The following HTR2C variants were observed in gnomAD, a reference collection of about 807,000 sequenced individuals.
HTR2C encodes the protein 5-hydroxytryptamine receptor 2C.
Under a neutral mutation model 21.0 loss-of-function variants are expected in HTR2C, and 5 were observed. The ratio of observed to expected loss-of-function variants is 0.24; its 90% CI spans 0.12 to 0.50. The LOEUF (loss-of-function observed/expected upper bound fraction) is 0.50, where lower values mean the gene tolerates loss of function less well. HTR2C is among the 20% of genes least tolerant of loss of function. HTR2C has a pLI of 0.98. For synonymous variants in HTR2C, 150 were observed against 145.3 expected, an observed-to-expected ratio of 1.03 and a Z score of -0.23; for missense variants, 271 against 371.2, an observed-to-expected ratio of 0.73 and a Z score of 2.22.
chrX:114,899,956 A>T (rs1278236623), intron 5 of HTR2C, among the ~76,000 whole-genome samples: 1 of 111,407 alleles, frequency 9.0e-6, no homozygotes, highest in African/African-American at 3.3e-5. Context: ...GGGTTGACAG[A>T]TGTGCGTTTG....
chrX:114,722,909 T>C (rs782673037), intron 2 of HTR2C, among the ~76,000 whole-genome samples: 33 of 109,744 alleles, frequency 3.0e-4, no homozygotes, highest in Non-Finnish European at 3.8e-4. Flanking sequence ...CTGCTGGATT[T>C]GGTTTGCCAG....
At chrX:114,688,330 AAAAAAGAAAAG>A (rs1429695648) in intron 2 of HTR2C, among the ~76,000 whole-genome samples, 9 of 109,535 alleles carry the variant, frequency 8.2e-5, no homozygotes, top group Non-Finnish European at 1.5e-4. Flanking sequence ...CAAAAAAAAA[AAAAAAGAAAAG>A]AAAAGAAAAG....
intron 4 of HTR2C, among the ~76,000 whole-genome samples, chrX:114,765,167 A>G (rs2069935175): frequency 9.2e-6 from 1 of 109,056 alleles, no homozygotes; most frequent in African/African-American, 3.3e-5. Context: ...ATGAGCCACC[A>G]TGCCCAGCCT....
intron 4 of HTR2C, among the ~76,000 whole-genome samples, chrX:114,834,506 A>G (rs1242456741): frequency 3.6e-5 from 4 of 111,006 alleles, no homozygotes; most frequent in African/African-American, 1.3e-4. Context: ...CTGTTTTATC[A>G]GAGACTAGGA....
At chrX:114,639,141 GA>G (rs1929986556) in intron 2 of HTR2C, among the ~76,000 whole-genome samples, 1 of 111,687 alleles carries the variant, frequency 9.0e-6, no homozygotes, top group African/African-American at 3.2e-5. Context: ...ATTATTAAAA[GA>G]AAAAGGGCTT....
chrX:114,635,054 G>C (rs1929788561), intron 2 of HTR2C, among the ~76,000 whole-genome samples: 1 of 111,361 alleles, frequency 9.0e-6, no homozygotes, highest in Non-Finnish European at 1.9e-5. Flanking sequence ...TATTGCACAT[G>C]TATTAAATAT....
intron 2 of HTR2C, among the ~76,000 whole-genome samples, chrX:114,623,252 G>A (rs935884960): frequency 8.9e-6 from 1 of 111,949 alleles, no homozygotes; most frequent in African/African-American, 3.2e-5. Context: ...GAGTCCTATA[G>A]GTTTCTATTG....
intron 5 of HTR2C, among the ~76,000 whole-genome samples, chrX:114,892,653 G>A (rs1354888264): frequency 2.7e-5 from 3 of 110,113 alleles, no homozygotes; most frequent in African/African-American, 6.6e-5. Context: ...TAAATAATCT[G>A]TATCTATAGT....
chrX:114,705,857 T>G (rs1932757441), intron 2 of HTR2C, among the ~76,000 whole-genome samples: 1 of 76,050 alleles, frequency 1.3e-5, no homozygotes, highest in Admixed American at 1.8e-4. Context: ...CAAACAAATT[T>G]ACAAGAAAAA....
At chrX:114,823,892 G>C (rs1556457305) in intron 4 of HTR2C, among the ~76,000 whole-genome samples, 1 of 111,690 alleles carries the variant, frequency 9.0e-6, no homozygotes, top group Non-Finnish European at 1.9e-5. Flanking sequence ...ATTTAGGCTA[G>C]CCAGAGCCAA....
intron 5 of HTR2C, among the ~76,000 whole-genome samples, chrX:114,896,682 C>T (rs2071299221): frequency 8.9e-6 from 1 of 112,145 alleles, no homozygotes; most frequent in South Asian, 3.7e-4. Context: ...AATAACTACT[C>T]ATACAATATA....
In HTR2C at chrX:114,804,014, G is replaced by A. The variant is rs782044765; in HGVS notation, c.350-43989G>A. On this transcript the variant is annotated intron_variant, in intron 4 of 5. Coordinates refer to ENST00000276198, the MANE Select transcript of HTR2C (RefSeq NM_000868.4). ...GCTGGAGATATAATAGTAAACAAAT[G>A]CTCCTTCGTTTTAAGGAGTTGTAAT... Among the ~76,000 whole-genome samples, 4 of 111,911 alleles carry A rather than the reference G, an allele frequency of 3.6e-5. No individual in the cohort carries two copies. In the South Asian group the frequency reaches 1.5e-3, roughly 41 times the overall value.
chrX:114,844,435 T>G lies in HTR2C; in HGVS notation c.350-3568T>G, dbSNP rs782486067. Reference sequence around the variant, plus strand: ...AATCAGTTAATCACAAAAAAATCACTTAATCACAAGTGAAGGCAGTGACAG... The same window carrying G: ...AATCAGTTAATCACAAAAAAATCACGTAATCACAAGTGAAGGCAGTGACAG... On this transcript the variant is annotated intron_variant, in intron 4 of 5. Transcript: ENST00000276198. Among the ~76,000 whole-genome samples, 8 of 111,843 alleles carry G rather than the reference T, an allele frequency of 7.2e-5. No homozygotes were observed. In the East Asian group the frequency reaches 1.7e-3, roughly 24 times the overall value.
At chrX:114,853,487 T>C (rs1248600131) in intron 5 of HTR2C, among the ~76,000 whole-genome samples, 1 of 111,811 alleles carries the variant, frequency 8.9e-6, no homozygotes, top group Non-Finnish European at 1.9e-5. Flanking sequence ...ATTTTTACAT[T>C]TAGACCTCTG....
chrX:114,814,037 A>G (rs782487917), intron 4 of HTR2C, among the ~76,000 whole-genome samples: 142 of 111,258 alleles, frequency 1.3e-3, no homozygotes, highest in African/African-American at 4.4e-3. Context: ...CAGATAAAGT[A>G]CTGTCTCAGC....
chrX:114,903,743 C>T (rs1006895080), intron 5 of HTR2C, among the ~76,000 whole-genome samples: 3 of 112,323 alleles, frequency 2.7e-5, no homozygotes, highest in Admixed American at 9.5e-5. Context: ...TCCCCAGAAA[C>T]GTCCAAGTGT....
chrX:114,625,251 T>C (rs782456184), intron 2 of HTR2C, among the ~76,000 whole-genome samples: 42 of 108,960 alleles, frequency 3.9e-4, no homozygotes, highest in Non-Finnish European at 7.6e-4. Context: ...GCCTGGGCTT[T>C]TCTAAAATAT....
chrX:114,755,286 G>C (rs1556429752), intron 4 of HTR2C, among the ~76,000 whole-genome samples: 2 of 109,594 alleles, frequency 1.8e-5, no homozygotes, highest in African/African-American at 6.6e-5. Flanking sequence ...CCCAGTCCTG[G>C]AGGTCAAAAG....
intron 4 of HTR2C, among the ~76,000 whole-genome samples, chrX:114,795,070 T>C (rs1287265244): frequency 9.1e-6 from 1 of 110,349 alleles, no homozygotes; most frequent in Non-Finnish European, 1.9e-5. Flanking sequence ...ATTGCCATTC[T>C]AACTGGTGTG....
Sources: gnomAD v4.1 joint callset for allele counts (sites outside exome capture counted in the v4.1 genomes callset) on GRCh38, gnomAD v4.1.1 for gene constraint, MANE v1.5 for transcripts, NCBI Gene and HGNC (gene_info 2026-07-23, HGNC 2026-07-21) for gene names.